Variants in TASP1 observed in about 807,000 individuals in gnomAD.
TASP1 encodes threonine aspartase 1.
Under a neutral mutation model 56.6 loss-of-function variants are expected in TASP1, and 16 were observed. The observed-to-expected ratio is 0.28, with a 90% CI of 0.19 to 0.43. The LOEUF (loss-of-function observed/expected upper bound fraction) is 0.43. Among genes scored for constraint, TASP1 ranks in the 20% least tolerant of loss-of-function variants. The pLI, the probability that TASP1 is intolerant of heterozygous loss-of-function variation, is 1.00. For synonymous variants in TASP1, 179 were observed against 184.2 expected, an observed-to-expected ratio of 0.97 and a Z score of 0.23; for missense variants, 393 against 511.6, an observed-to-expected ratio of 0.77 and a Z score of 2.24.
the TASP1 span, among the ~76,000 whole-genome samples, chr20:13,363,922 G>A: frequency 2.0e-3 from 297 of 152,222 alleles, no homozygotes; most frequent in Admixed American, 5.7e-3. Context: ...AATGTCTCCA[G>A]CCCATCAGAA....
At position 13,472,868 on chromosome 20, in the gene TASP1, C is replaced by G. The variant is rs531240656; in HGVS notation, c.985+10359G>C. On this transcript the variant is annotated intron_variant, in intron 11 of 13. Coordinates refer to ENST00000337743, the MANE Select transcript of TASP1 (RefSeq NM_017714.3). ...TGGAGAGGATGTGGAGAAATAGGAA[C>G]GCTTTTACACTGTTGGTGGGAGTGT... Among the ~76,000 whole-genome samples, 9 of 151,554 alleles carry G rather than the reference C, an allele frequency of 5.9e-5. 1 individual carries two copies. Among genetic ancestry groups the G allele is most frequent in the Non-Finnish European group, 2.9e-5 (2 of 67,946 alleles).
the TASP1 span, among the ~76,000 whole-genome samples, chr20:13,232,122 G>A: frequency 2.0e-5 from 3 of 152,194 alleles, no homozygotes; most frequent in Non-Finnish European, 2.9e-5. Context: ...GAGGACAGGA[G>A]GAGAAGAGTG....
the TASP1 span, among the ~76,000 whole-genome samples, chr20:13,348,977 G>A: frequency 6.6e-6 from 1 of 152,178 alleles, no homozygotes; most frequent in African/African-American, 2.4e-5. Context: ...TCCTCAATTA[G>A]AGCAGTACGG....
rs571246399 is a variant in TASP1, at chr20:13,589,680, G to T, written c.283-2310C>A. ...AAATAGGGGGAAAAAAACACAAAATGGAAGAAAAAATTTCAAGCCATGTAT... is the reference window on the plus strand; with the variant it reads ...AAATAGGGGGAAAAAAACACAAAATTGAAGAAAAAATTTCAAGCCATGTAT... On this transcript the variant is annotated intron_variant, in intron 4 of 13. Coordinates refer to ENST00000337743, the MANE Select transcript of TASP1 (RefSeq NM_017714.3). Among the ~76,000 whole-genome samples the T allele has an allele frequency of 7.9e-5, 12 of 151,726 alleles. No individual in the cohort carries two copies. In the South Asian group the frequency reaches 2.5e-3, roughly 32 times the overall value.
At chr20:13,347,067 T>G in the TASP1 span, among the ~76,000 whole-genome samples, 1 of 152,370 alleles carries the variant, frequency 6.6e-6, no homozygotes, top group African/African-American at 2.4e-5. Context: ...AAAGGTGTTA[T>G]GAAACAGTAT....
chr20:13,118,561 C>T, the TASP1 span, among the ~76,000 whole-genome samples: 1 of 151,910 alleles, frequency 6.6e-6, no homozygotes, highest in Non-Finnish European at 1.5e-5. Context: ...ATAAAGGAGC[C>T]AGTTATCTGA....
At chr20:13,414,432 C>G (rs1432552862) in intron 13 of TASP1, among the ~76,000 whole-genome samples, 1 of 152,126 alleles carries the variant, frequency 6.6e-6, no homozygotes, top group East Asian at 1.9e-4. Context: ...TTTTTCCCTG[C>G]AACTAATAAG....
At chr20:13,153,036 G>A in the TASP1 span, among the ~76,000 whole-genome samples, 19 of 152,168 alleles carry the variant, frequency 1.2e-4, no homozygotes, top group Non-Finnish European at 2.4e-4. Context: ...CCAATAAGAC[G>A]AAAGACTGTA....
the TASP1 span, among the ~76,000 whole-genome samples, chr20:13,361,655 C>A: frequency 1.3e-5 from 1 of 79,618 alleles, no homozygotes; most frequent in Non-Finnish European, 2.4e-5. Context: ...TGGACTGTGC[C>A]CCCCAAAAAA....
the TASP1 span, among the ~76,000 whole-genome samples, chr20:13,112,399 A>G: frequency 3.9e-5 from 6 of 152,200 alleles, no homozygotes; most frequent in African/African-American, 1.4e-4. Flanking sequence ...CTTCCAACAG[A>G]GCAAAAGCAA....
chr20:13,328,058 C>T, the TASP1 span, among the ~76,000 whole-genome samples: 2 of 152,100 alleles, frequency 1.3e-5, no homozygotes, highest in Non-Finnish European at 2.9e-5. Flanking sequence ...ATCTATCCAC[C>T]TGACAAAGGT....
At chr20:13,347,099 A>T in the TASP1 span, among the ~76,000 whole-genome samples, 282 of 152,366 alleles carry the variant, frequency 1.9e-3, 1 homozygote, top group African/African-American at 6.6e-3. Flanking sequence ...TCCTGAAATG[A>T]CTGCAAAACA....
the TASP1 span, among the ~76,000 whole-genome samples, chr20:13,318,509 C>T: frequency 2.0e-5 from 3 of 152,262 alleles, no homozygotes; most frequent in Non-Finnish European, 2.9e-5. Context: ...AAATTGTGTC[C>T]ACACAAAAAC....
chr20:13,433,040 T>C (rs1013530692), intron 12 of TASP1, among the ~76,000 whole-genome samples: 4 of 152,160 alleles, frequency 2.6e-5, no homozygotes, highest in African/African-American at 7.2e-5. Flanking sequence ...GTCTGTTACA[T>C]AGGTATACAC....
At chr20:13,462,333 T>C (rs2044083348) in intron 11 of TASP1, among the ~76,000 whole-genome samples, 1 of 152,194 alleles carries the variant, frequency 6.6e-6, no homozygotes, top group Non-Finnish European at 1.5e-5. Context: ...CTTCTAATTG[T>C]ATTTAATTTT....
chr20:13,498,379 G>GTGTGTGTGT (rs2043814543), intron 10 of TASP1, among the ~76,000 whole-genome samples: 2 of 137,728 alleles, frequency 1.5e-5, no homozygotes, highest in Non-Finnish European at 3.2e-5. Context: ...GTGTGTGTGT[G>GTGTGTGTGT]ATGGAGTCTC....
chr20:13,487,638 C>T (rs1052146354), intron 10 of TASP1, among the ~76,000 whole-genome samples: 7 of 151,938 alleles, frequency 4.6e-5, no homozygotes, highest in Non-Finnish European at 1.0e-4. Flanking sequence ...GTGGGTATCC[C>T]GAAACTTTCA....
chr20:13,187,393 A>C, the TASP1 span, among the ~76,000 whole-genome samples: 5 of 152,038 alleles, frequency 3.3e-5, no homozygotes, highest in African/African-American at 1.2e-4. Flanking sequence ...CTATAAAGAT[A>C]AATACAAACA....
the TASP1 span, among the ~76,000 whole-genome samples, chr20:13,332,563 C>A: frequency 2.6e-5 from 4 of 152,144 alleles, no homozygotes; most frequent in Non-Finnish European, 5.9e-5. Context: ...GTATTTAATT[C>A]TTACCAGACC....
Sources: gnomAD v4.1 joint callset for allele counts (sites outside exome capture counted in the v4.1 genomes callset) on GRCh38, gnomAD v4.1.1 for gene constraint, MANE v1.5 for transcripts, NCBI Gene and HGNC (gene_info 2026-07-23, HGNC 2026-07-21) for gene names.